CSMD1: variants seen among roughly 807,000 people sequenced by gnomAD.
CSMD1 encodes CUB and Sushi multiple domains 1.
In CSMD1, 213 loss-of-function variants were observed where a neutral mutation model predicts 417.5. The observed-to-expected ratio is 0.51, with a 90% CI of 0.46 to 0.57. The LOEUF (loss-of-function observed/expected upper bound fraction) is 0.57, where lower values mean the gene tolerates loss of function less well. Ranked by LOEUF, CSMD1 falls within the 20% of genes least tolerant of loss-of-function variation. The pLI is 0.00. For synonymous variants in CSMD1, 2,862 were observed against 1,736.8 expected (o/e 1.65, Z -16.11); for missense variants, 6,923 against 4,529.7 (o/e 1.53, Z -15.17).
chr8:4,826,570 G>C (rs1239218149), intron 1 of CSMD1, among the ~76,000 whole-genome samples: 1 of 152,140 alleles, frequency 6.6e-6, no homozygotes, highest in South Asian at 2.1e-4. Flanking sequence ...AGTTAGCGTA[G>C]TTGGGATGTC....
At chr8:3,500,626 G>C (rs1244754197) in intron 10 of CSMD1, among the ~76,000 whole-genome samples, 1 of 152,176 alleles carries the variant, frequency 6.6e-6, no homozygotes, top group Non-Finnish European at 1.5e-5. Flanking sequence ...ATGGTGTTTT[G>C]TGAAAAATCC....
At chr8:4,233,698 G>C (rs942900772) in intron 3 of CSMD1, among the ~76,000 whole-genome samples, 4 of 151,964 alleles carry the variant, frequency 2.6e-5, no homozygotes, top group African/African-American at 4.8e-5. Context: ...ATGGAATTTT[G>C]GTACAGCAGC....
At chr8:4,050,738 T>A (rs1243299173) in intron 3 of CSMD1, among the ~76,000 whole-genome samples, 1 of 152,128 alleles carries the variant, frequency 6.6e-6, no homozygotes, top group Non-Finnish European at 1.5e-5. Context: ...ATGAATTAAG[T>A]CACTAAACTA....
intron 1 of CSMD1, among the ~76,000 whole-genome samples, chr8:4,689,942 C>T (rs1806658293): frequency 6.6e-6 from 1 of 152,072 alleles, no homozygotes; most frequent in East Asian, 1.9e-4. Context: ...TCACTTTCTC[C>T]CCTGCAGGAA....
At position 3,383,326 on chromosome 8, in the gene CSMD1, C is replaced by G. The variant is rs562207449; in HGVS notation, c.2782+4168G>C. Among the ~76,000 whole-genome samples the G allele has an allele frequency of 3.6e-4, 55 of 152,272 alleles. No individual in the cohort carries two copies. In the South Asian group the frequency reaches 9.8e-3, roughly 27 times the overall value. The stretch of plus-strand genomic sequence containing the variant: ...AATGTTTAAAGTTTTTAGGAGAGAA[C>G]AACAGAATGTCTTCATTACTCTGAA... On this transcript the variant is annotated intron_variant, in intron 18 of 69. Transcript: ENST00000635120.
At chr8:4,581,680 C>T (rs764122146) in intron 2 of CSMD1, among the ~76,000 whole-genome samples, 1 of 152,154 alleles carries the variant, frequency 6.6e-6, no homozygotes. Flanking sequence ...TCTATGCTCC[C>T]AGTTGGGGTC....
chr8:4,560,328 C>CTCCTACAT (rs771772155), intron 2 of CSMD1, among the ~76,000 whole-genome samples: 26 of 152,200 alleles, frequency 1.7e-4, no homozygotes, highest in Non-Finnish European at 1.9e-4. Context: ...GGATACAGCA[C>CTCCTACAT]GTGGTCTCCT....
At chr8:4,684,276 C>T (rs1276153679) in intron 1 of CSMD1, among the ~76,000 whole-genome samples, 1 of 152,130 alleles carries the variant, frequency 6.6e-6, no homozygotes, top group Non-Finnish European at 1.5e-5. Context: ...GATTTTTAAT[C>T]GTGCAAAAAA....
chr8:3,436,206 T>G (rs958975445), intron 12 of CSMD1, among the ~76,000 whole-genome samples: 8 of 152,154 alleles, frequency 5.3e-5, no homozygotes, highest in African/African-American at 1.9e-4. Context: ...ATAAGATGCT[T>G]AATTACTTCA....
intron 12 of CSMD1, among the ~76,000 whole-genome samples, chr8:3,445,843 A>C (rs532834167): frequency 2.0e-5 from 3 of 152,342 alleles, no homozygotes; most frequent in Admixed American, 1.3e-4. Context: ...TCCTTGAAAG[A>C]AAGAGTATAA....
intron 23 of CSMD1, among the ~76,000 whole-genome samples, chr8:3,325,834 A>AAAAACAAAAAC (rs1307274512): frequency 2.0e-5 from 3 of 152,224 alleles, no homozygotes; most frequent in African/African-American, 7.2e-5. Flanking sequence ...AAACAAAAAC[A>AAAAACAAAAAC]AAAACAAAAA....
intron 3 of CSMD1, among the ~76,000 whole-genome samples, chr8:4,058,369 T>G (rs1428490349): frequency 6.6e-6 from 1 of 152,168 alleles, no homozygotes; most frequent in African/African-American, 2.4e-5. Context: ...GCTTGTGATT[T>G]TTGTCCATTG....
At chr8:3,326,939 G>C (rs942690960) in intron 23 of CSMD1, among the ~76,000 whole-genome samples, 2 of 152,028 alleles carry the variant, frequency 1.3e-5, no homozygotes, top group Admixed American at 6.6e-5. Flanking sequence ...CTCTTAGGGA[G>C]GAAGAGGTGG....
chr8:4,884,873 T>C (rs184074929), intron 1 of CSMD1, among the ~76,000 whole-genome samples: 11 of 152,206 alleles, frequency 7.2e-5, no homozygotes, highest in African/African-American at 2.7e-4. Flanking sequence ...ACATAAATTT[T>C]AGGGTCAGCT....
chr8:3,250,219 C>T (rs767914839), intron 26 of CSMD1, among the ~76,000 whole-genome samples: 48 of 152,148 alleles, frequency 3.2e-4, no homozygotes, highest in Non-Finnish European at 5.6e-4. Flanking sequence ...TCCCCCCACC[C>T]CACAACAGGC....
At chr8:4,724,222 A>G (rs2116923595) in intron 1 of CSMD1, among the ~76,000 whole-genome samples, 1 of 152,244 alleles carries the variant, frequency 6.6e-6, no homozygotes, top group East Asian at 1.9e-4. Flanking sequence ...CAAAATATTA[A>G]CCTTGCAGTT....
chr8:4,470,194 C>T (rs1800445163), intron 2 of CSMD1, among the ~76,000 whole-genome samples: 1 of 152,106 alleles, frequency 6.6e-6, no homozygotes, highest in South Asian at 2.1e-4. Context: ...CCATTGTGAT[C>T]CTTCACCTGC....
chr8:4,150,171 G>T (rs532313325), intron 3 of CSMD1, among the ~76,000 whole-genome samples: 1 of 152,154 alleles, frequency 6.6e-6, no homozygotes, highest in South Asian at 2.1e-4. Context: ...CAAAATCCAG[G>T]TATGTCCTGA....
chr8:3,026,232 C>T (rs960672120), intron 51 of CSMD1, among the ~76,000 whole-genome samples: 2 of 152,160 alleles, frequency 1.3e-5, no homozygotes, highest in African/African-American at 2.4e-5. Context: ...TTAGTATTTC[C>T]CCATCAGCAG....
Sources: gnomAD v4.1 joint callset for allele counts (sites outside exome capture counted in the v4.1 genomes callset) on GRCh38, gnomAD v4.1.1 for gene constraint, MANE v1.5 for transcripts, NCBI Gene and HGNC (gene_info 2026-07-23, HGNC 2026-07-21) for gene names.